The following PIGX variants were observed in gnomAD, a reference collection of about 807,000 sequenced individuals.
PIGX encodes the protein GPI alpha-1,4-mannosyltransferase I, stabilizing subunit.
PIGX carries 24 observed loss-of-function variants against 28.7 expected under a neutral mutation model. The ratio of observed to expected loss-of-function variants is 0.84; its 90% CI spans 0.60 to 1.17. The LOEUF (loss-of-function observed/expected upper bound fraction) is 1.17. Ranked by LOEUF, PIGX falls within the 50% of genes most tolerant of loss-of-function variation. The pLI is 0.00. For synonymous variants in PIGX, 127 were observed against 121.0 expected, an observed-to-expected ratio of 1.05 and a Z score of -0.33; for missense variants, 305 against 317.8, an observed-to-expected ratio of 0.96 and a Z score of 0.31.
chr3:196,719,797 CT>C (rs200697118), intron 2 of PIGX, among the ~76,000 whole-genome samples: 140 of 146,462 alleles, frequency 9.6e-4, no homozygotes, highest in Admixed American at 1.3e-3. Flanking sequence ...ACAATTTTAA[CT>C]TTTTTTTTTT....
Position 196,727,986 on chromosome 3 carries a change from G to T in PIGX, c.382G>T (p.Val128Phe). Residue 128 changes from valine to phenylalanine, a missense_variant, in exon 4 of 6, where the codon GTT becomes TTT. Val to Phe is a conservative substitution (Grantham distance 50). Coordinates refer to ENST00000392391, the MANE Select transcript of PIGX (RefSeq NM_017861.4). ...TAACTATTTGTCCAAGGAGTCTGAA[G>T]TTCTCATTTATGCCAGACGAGATTC... 1 of 1,614,130 alleles carries T rather than the reference G, an allele frequency of 6.2e-7. No homozygotes were observed. The highest frequency in any genetic ancestry group is 2.2e-5 in the East Asian group (1 of 44,894).
In PIGX at chr3:196,728,560, A is replaced by C. The variant is rs1268786548; in HGVS notation, c.532+424A>C. 36 of 647,248 alleles carry C rather than the reference A, an allele frequency of 5.6e-5. No individual in the cohort carries two copies. In the East Asian group the frequency reaches 9.5e-4, roughly 17 times the overall value. The allele number at this position is 647,248 out of a possible 1,614,324, so 40.1% of individuals were successfully genotyped here. A position where few individuals can be genotyped will look rare whatever the true frequency, so the allele number is the denominator to read the frequency against. ...ATTTCCATTAAGTCTCTTAATGTAC[A>C]GGTTTCTCTCTATCCCTTTCCTTTC... On this transcript the variant is annotated intron_variant, in intron 4 of 5. Coordinates refer to ENST00000392391, the MANE Select transcript of PIGX (RefSeq NM_017861.4).
At chr3:196,721,572 A>G (rs1377501525) in intron 2 of PIGX, among the ~76,000 whole-genome samples, 1 of 151,262 alleles carries the variant, frequency 6.6e-6, no homozygotes, top group Admixed American at 6.6e-5. Context: ...TGTAGTTGGG[A>G]CTATAGGCAC....
At chr3:196,732,256 A>ATATTT (rs1438652673) in intron 5 of PIGX, among the ~76,000 whole-genome samples, 1 of 23,248 alleles carries the variant, frequency 4.3e-5, no homozygotes, top group Admixed American at 6.1e-4. Context: ...ATATATATAT[A>ATATTT]TTTTATTTTA....
rs187828955 is a variant in PIGX at position 196,728,637 on chromosome 3, A to G, written c.532+501A>G. ...TGGGCCATTTGACCTGTAGTTGGTC[A>G]TAGCTGGGGTTTTGCTAATTGGACT... On this transcript the variant is annotated intron_variant, in intron 4 of 5. Coordinates refer to ENST00000392391, the MANE Select transcript of PIGX (RefSeq NM_017861.4). 4,056 of 765,202 alleles carry G rather than the reference A, an allele frequency of 5.3e-3. 13 individuals carry two copies. The highest frequency in any genetic ancestry group is 8.1e-3 in the Non-Finnish European group (3,369 of 417,268). 47.4% of individuals were successfully genotyped at this position (765,202 alleles called of 1,614,324 possible). A position where few individuals can be genotyped will look rare whatever the true frequency, so the allele number is the denominator to read the frequency against.
chr3:196,723,217 T>A (rs1466646118), intron 3 of PIGX, among the ~76,000 whole-genome samples: 1 of 152,118 alleles, frequency 6.6e-6, no homozygotes, highest in Non-Finnish European at 1.5e-5. Context: ...GGTGGGCGCC[T>A]GTAATCCCAG....
At chr3:196,727,182 G>A (rs1463627) in intron 3 of PIGX, among the ~76,000 whole-genome samples, 61,099 of 151,896 alleles carry the variant, frequency 0.4, 12,443 homozygotes, top group East Asian at 0.56. Context: ...CACATAGGTC[G>A]CGTATATAAT....
At chr3:196,713,864 G>A (rs1364417110) in intron 1 of PIGX, among the ~76,000 whole-genome samples, 1 of 148,298 alleles carries the variant, frequency 6.7e-6, no homozygotes, top group Non-Finnish European at 1.5e-5. Flanking sequence ...GGAAAAAGAA[G>A]TCAATTTCCA....
chr3:196,725,369 G>C (rs1215473563), intron 3 of PIGX, among the ~76,000 whole-genome samples: 1 of 152,176 alleles, frequency 6.6e-6, no homozygotes, highest in Non-Finnish European at 1.5e-5. Context: ...ATCAGGCAAT[G>C]AAGGGCAGAG....
Position 196,716,387 on chromosome 3 carries a change from G to T in PIGX, c.113-471G>T, listed in dbSNP as rs1712099680. ...CCAGTATGTATCTATCTGATACACA[G>T]TTTCAGTGAACAAGGATTAAAATGG... is the stretch of plus-strand genomic sequence containing the variant. On this transcript the variant is annotated intron_variant, in intron 1 of 5. Transcript: ENST00000392391. 2.0e-5 allele frequency among the ~76,000 whole-genome samples: 3 copies of T among 152,118 alleles called. 1 individual carries two copies. The South Asian group carries it at 6.2e-4, about 32-fold the overall frequency.
intron 3 of PIGX, among the ~76,000 whole-genome samples, chr3:196,723,174 T>C (rs532219643): frequency 6.6e-6 from 1 of 152,186 alleles, no homozygotes; most frequent in East Asian, 1.9e-4. Flanking sequence ...AAACCCTGTT[T>C]CTACAAAAAT....
rs1712951169 is a variant in PIGX, at chr3:196,735,035, C to G, written c.*1133C>G. On this transcript the variant is annotated 3_prime_UTR_variant, in exon 6 of 6. Transcript: ENST00000392391. ...CTTGGCCGGGCGCGGTGGCTTACGCCTATAATCCCAGCACTTTGGGAGGCC... is the reference window on the plus strand; with the variant it reads ...CTTGGCCGGGCGCGGTGGCTTACGCGTATAATCCCAGCACTTTGGGAGGCC... 6.6e-6 allele frequency: 1 copy of G among 151,976 alleles called. No homozygotes were observed. The highest frequency in any genetic ancestry group is 2.1e-4 in the South Asian group (1 of 4,818). The allele number at this position is 151,976 out of a possible 1,614,324, so 9.4% of individuals were successfully genotyped here.
intron 4 of PIGX, among the ~76,000 whole-genome samples, chr3:196,729,718 T>C (rs1712672650): frequency 6.6e-6 from 1 of 151,372 alleles, no homozygotes; most frequent in Non-Finnish European, 1.5e-5. Context: ...GAAGCCCCTT[T>C]CAGTTTTTGG....
intron 5 of PIGX, among the ~76,000 whole-genome samples, chr3:196,731,636 T>C (rs1290498332): frequency 5.3e-5 from 8 of 152,154 alleles, no homozygotes; most frequent in Non-Finnish European, 8.8e-5. Context: ...TTTGAGTAGG[T>C]TGCCATTGCC....
At chr3:196,731,615 G>A (rs946787448) in intron 5 of PIGX, among the ~76,000 whole-genome samples, 1 of 152,224 alleles carries the variant, frequency 6.6e-6, no homozygotes, top group Non-Finnish European at 1.5e-5. Context: ...CTTATGCAGT[G>A]TAGAGTTGTT....
At position 196,733,692 on chromosome 3, in the gene PIGX, C is replaced by T; in HGVS notation, c.634-67C>T. On this transcript the variant is annotated intron_variant, in intron 5 of 5. Coordinates refer to ENST00000392391, the MANE Select transcript of PIGX (RefSeq NM_017861.4). The surrounding 1 kb of genome is among the most constrained non-coding windows in gnomAD (Gnocchi z 4.3). Reference sequence around the variant, plus strand: ...CCTCCCGAAGTGCTGGGATTACAGGCATGAGCTACCACACCGGGCCCATGA... The same window carrying T: ...CCTCCCGAAGTGCTGGGATTACAGGTATGAGCTACCACACCGGGCCCATGA... 1 of 1,201,420 alleles carries T rather than the reference C, an allele frequency of 8.3e-7. No individual in the cohort carries two copies. The highest frequency in any genetic ancestry group is 1.3e-5 in the South Asian group (1 of 78,562). The allele number at this position is 1,201,420 out of a possible 1,614,324, so 74.4% of individuals were successfully genotyped here.
chr3:196,732,078 A>C (rs1476464344), intron 5 of PIGX, among the ~76,000 whole-genome samples: 1 of 150,080 alleles, frequency 6.7e-6, no homozygotes, highest in African/African-American at 2.5e-5. Flanking sequence ...CACCCCCGTC[A>C]GCCTCCCAAA....
At chr3:196,730,612 A>G (rs1029144841) in intron 4 of PIGX, among the ~76,000 whole-genome samples, 4 of 151,762 alleles carry the variant, frequency 2.6e-5, no homozygotes, top group Admixed American at 6.6e-5. Flanking sequence ...GCTGGGTGCA[A>G]TGGCAGGCAC....
Position 196,735,601 on chromosome 3 carries a change from C to A in PIGX, c.*1699C>A, listed in dbSNP as rs1358574222. 1 of 152,090 alleles carries A rather than the reference C, an allele frequency of 6.6e-6. No homozygotes were observed. Among genetic ancestry groups the A allele is most frequent in the African/African-American group, 2.4e-5 (1 of 41,396 alleles). 9.4% of individuals were successfully genotyped at this position (152,090 alleles called of 1,614,324 possible). A position where few individuals can be genotyped will look rare whatever the true frequency, so the allele number is the denominator to read the frequency against. On this transcript the variant is annotated 3_prime_UTR_variant, in exon 6 of 6. Coordinates refer to ENST00000392391, the MANE Select transcript of PIGX (RefSeq NM_017861.4). ...CAGTGCCATAAAGCAGAAACAGTGA[C>A]CTTTAAAATGACTAAAATTTCAACC...
Sources: gnomAD v4.1 joint callset for allele counts (sites outside exome capture counted in the v4.1 genomes callset) on GRCh38, gnomAD v4.1.1 for gene constraint, Gnocchi (gnomAD v3.1) non-coding constraint, MANE v1.5 for transcripts, NCBI Gene and HGNC (gene_info 2026-07-23, HGNC 2026-07-21) for gene names.